The following METTL25 variants were observed in gnomAD, a reference collection of about 807,000 sequenced individuals.
METTL25 encodes the protein probable methyltransferase-like protein 25.
METTL25 carries 64 observed loss-of-function variants against 71.6 expected under a neutral mutation model. The observed-to-expected ratio is 0.89, with a 90% CI of 0.73 to 1.10. The LOEUF (loss-of-function observed/expected upper bound fraction) is 1.10, where lower values mean the gene tolerates loss of function less well. Among genes scored for constraint, METTL25 ranks in the 50% least tolerant of loss-of-function variants. The pLI is 0.00. For missense variants in METTL25, 807 were observed against 707.0 expected (o/e 1.14, Z -1.60); for synonymous variants, 287 against 250.3 (o/e 1.15, Z -1.38).
At chr12:82,374,078 T>C (rs1205065242) in intron 1 of METTL25, 2 of 156,848 alleles carry the variant, frequency 1.3e-5, no homozygotes, top group Non-Finnish European at 2.8e-5. Flanking sequence ...ACCTTTGCGG[T>C]GAGTATTACA....
At chr12:82,431,583 T>A (rs1889502802) in intron 6 of METTL25, among the ~76,000 whole-genome samples, 1 of 151,638 alleles carries the variant, frequency 6.6e-6, no homozygotes. Flanking sequence ...ACTGGAAATC[T>A]TCTGAGTAGA....
chr12:82,446,225 T>C (rs533394874), intron 8 of METTL25, among the ~76,000 whole-genome samples: 127 of 152,236 alleles, frequency 8.3e-4, no homozygotes, highest in Non-Finnish European at 1.5e-3. Context: ...ACAATAATAA[T>C]AGGGGACTTG....
intron 1 of METTL25, among the ~76,000 whole-genome samples, chr12:82,373,181 A>G (rs954913999): frequency 9.2e-5 from 14 of 152,234 alleles, no homozygotes; most frequent in African/African-American, 3.4e-4. Flanking sequence ...TAAATATGTT[A>G]TGCCCCAAAA....
chr12:82,438,307 C>G (rs189487539), intron 7 of METTL25, among the ~76,000 whole-genome samples: 45 of 151,700 alleles, frequency 3.0e-4, no homozygotes, highest in African/African-American at 1.0e-3. Flanking sequence ...CTGTTATTAT[C>G]TTTATTCCAC....
chr12:82,404,651 G>A (rs1307240755), intron 5 of METTL25, among the ~76,000 whole-genome samples: 1 of 152,134 alleles, frequency 6.6e-6, no homozygotes, highest in African/African-American at 2.4e-5. Context: ...GGGGACAGGT[G>A]TAGACACTTT....
intron 4 of METTL25, 73 bp from the exon 5 acceptor site, chr12:82,402,910 T>C (rs1886762170): frequency 1.7e-6 from 2 of 1,159,316 alleles, no homozygotes; most frequent in Admixed American, 4.8e-5. Flanking sequence ...ATCCTGTATG[T>C]AAAAATAAAT....
intron 1 of METTL25, among the ~76,000 whole-genome samples, chr12:82,378,130 T>C (rs1447973624): frequency 6.6e-6 from 1 of 152,210 alleles, no homozygotes; most frequent in African/African-American, 2.4e-5. Context: ...AAACACTGCA[T>C]TTCAGGTTCA....
Position 82,434,722 on chromosome 12 carries a change from G to C in METTL25, c.1402G>C (p.Gly468Arg). The C allele has an allele frequency of 6.2e-7, 1 of 1,609,268 alleles. No individual in the cohort carries two copies. The highest frequency in any genetic ancestry group is 8.5e-7 in the Non-Finnish European group (1 of 1,176,742). ...LALERVAAGQGLPTESLFYRA... is the reference protein window; with the variant it reads ...LALERVAAGQRLPTESLFYRA... ...ATTGGAGCGGGTTGCAGCTGGCCAA[G>C]GGGTAAGTAAGAGTGTTAACTGATG... Residue 468 changes from glycine to arginine, a missense_variant and splice_region_variant, in exon 7 of 12, where the codon GGG (glycine) becomes CGG (arginine). Transcript: ENST00000248306.
At position 82,389,801 on chromosome 12, in the gene METTL25, T is replaced by TGCTA. The variant is rs753320978; in HGVS notation, c.425-15_425-14insGCTA. 1 of 1,519,810 alleles carries TGCTA rather than the reference T, an allele frequency of 6.6e-7. No homozygotes were observed. Among genetic ancestry groups the TGCTA allele is most frequent in the Non-Finnish European group, 9.1e-7 (1 of 1,100,974 alleles). 94.1% of individuals were successfully genotyped at this position (1,519,810 alleles called of 1,614,324 possible). On this transcript the variant is annotated splice_polypyrimidine_tract_variant and intron_variant, in intron 2 of 11. Transcript: ENST00000248306. ...TTGATTCTTTAATAGCAGTTTTTAC[T>TGCTA]TTTATTTTCATTAGGTGAAAATCAG...
At chr12:82,364,948 A>G (rs1882388922) in intron 1 of METTL25, among the ~76,000 whole-genome samples, 2 of 152,252 alleles carry the variant, frequency 1.3e-5, no homozygotes, top group Non-Finnish European at 2.9e-5. Flanking sequence ...CTTTTTCACT[A>G]TTTTCAGCAT....
At chr12:82,376,310 T>C (rs1053863709) in intron 1 of METTL25, among the ~76,000 whole-genome samples, 10 of 152,220 alleles carry the variant, frequency 6.6e-5, no homozygotes, top group African/African-American at 2.4e-4. Context: ...ATTAAAAACA[T>C]GTACATCTCT....
intron 9 of METTL25, among the ~76,000 whole-genome samples, chr12:82,461,911 A>T (rs564093741): frequency 6.6e-6 from 1 of 152,326 alleles, no homozygotes; most frequent in Non-Finnish European, 1.5e-5. Context: ...GCACCTGAGC[A>T]TGATTTCTTA....
Position 82,403,035 on chromosome 12 carries a change from T to C in METTL25, c.1184T>C (p.Leu395Ser). The C allele has an allele frequency of 1.9e-6, 3 of 1,613,406 alleles. No individual in the cohort carries two copies. Among genetic ancestry groups the C allele is most frequent in the Non-Finnish European group, 2.5e-6 (3 of 1,179,468 alleles). ...TGTGGTGATCTGGCTCCAAATACTTTGCGAATATTTACCTCCAACTCTGAA... is the reference window on the plus strand; with the variant it reads ...TGTGGTGATCTGGCTCCAAATACTTCGCGAATATTTACCTCCAACTCTGAA... ...HTCGDLAPNT[L>S]RIFTSNSEIK... The change falls in exon 5 of 12, where the codon TTG becomes TCG. Residue 395 changes from leucine (L) to serine (S), a missense_variant. Leu to Ser is a moderately radical substitution (Grantham distance 145, BLOSUM62 -2). Coordinates refer to ENST00000248306, the MANE Select transcript of METTL25 (RefSeq NM_032230.3).
intron 9 of METTL25, among the ~76,000 whole-genome samples, chr12:82,473,043 A>G (rs1892660034): frequency 6.6e-6 from 1 of 151,302 alleles, no homozygotes; most frequent in South Asian, 2.1e-4. Context: ...TCCTAGGTGG[A>G]TGCAGTAGTG....
chr12:82,386,066 T>A (rs916895838), intron 1 of METTL25, among the ~76,000 whole-genome samples: 1 of 152,138 alleles, frequency 6.6e-6, no homozygotes, highest in African/African-American at 2.4e-5. Context: ...TGGAAACTGC[T>A]GACATTTACA....
chr12:82,411,815 A>G (rs917777615), intron 5 of METTL25, among the ~76,000 whole-genome samples: 11 of 152,108 alleles, frequency 7.2e-5, no homozygotes, highest in African/African-American at 2.4e-4. Flanking sequence ...AAATCTACAC[A>G]AAGTCAGATT....
intron 1 of METTL25, among the ~76,000 whole-genome samples, chr12:82,373,011 T>A (rs1883424996): frequency 6.6e-6 from 1 of 152,176 alleles, no homozygotes; most frequent in Non-Finnish European, 1.5e-5. Context: ...TAGTGGCCCT[T>A]ACCGACGCAT....
intron 2 of METTL25, among the ~76,000 whole-genome samples, chr12:82,387,904 A>T (rs1038565114): frequency 1.3e-5 from 2 of 152,104 alleles, no homozygotes; most frequent in African/African-American, 4.8e-5. Flanking sequence ...AGCAGTCTCT[A>T]TTCAAGTTTC....
At chr12:82,443,462 C>A (rs1298311945) in intron 8 of METTL25, among the ~76,000 whole-genome samples, 67 of 96,552 alleles carry the variant, frequency 6.9e-4, no homozygotes, top group African/African-American at 1.6e-3. Flanking sequence ...CAGAGGAGAC[C>A]AAAAAAAAAA....
Sources: allele counts gnomAD v4.1 joint callset (sites outside exome capture counted in the v4.1 genomes callset), GRCh38; gene constraint gnomAD v4.1.1; transcripts MANE v1.5; gene names NCBI Gene and HGNC (gene_info 2026-07-23, HGNC 2026-07-21).